CNBD1: variants seen among roughly 807,000 people sequenced by gnomAD.
CNBD1 encodes cyclic nucleotide binding domain containing 1.
A neutral mutation model predicts 54.4 loss-of-function variants in CNBD1; 71 were observed. That is an observed-to-expected ratio of 1.30 (90% confidence interval 1.08 to 1.59). The LOEUF is 1.59. Ranked by LOEUF, CNBD1 falls within the 40% of genes most tolerant of loss-of-function variation. CNBD1 has a pLI of 0.00. For synonymous variants in CNBD1, 182 were observed against 170.7 expected (o/e 1.07, Z -0.51); for missense variants, 659 against 518.0 (o/e 1.27, Z -2.64).
intron 4 of CNBD1, among the ~76,000 whole-genome samples, chr8:87,077,937 A>G (rs767659796): frequency 2.0e-5 from 3 of 152,134 alleles, no homozygotes; most frequent in Non-Finnish European, 2.9e-5. Context: ...ATACCCACTA[A>G]TGGGATCACT....
chr8:87,115,725 A>G (rs1811753821), intron 4 of CNBD1, among the ~76,000 whole-genome samples: 1 of 152,182 alleles, frequency 6.6e-6, no homozygotes, highest in Non-Finnish European at 1.5e-5. Flanking sequence ...AGCAGGTTTC[A>G]CCTACTGAGT....
chr8:87,352,034 G>C (rs747096686), intron 9 of CNBD1, among the ~76,000 whole-genome samples: 1 of 152,046 alleles, frequency 6.6e-6, no homozygotes, highest in Admixed American at 6.6e-5. Context: ...TATGCTTCAC[G>C]TTCTTATTCA....
intron 6 of CNBD1, among the ~76,000 whole-genome samples, chr8:87,284,384 A>T (rs1008155859): frequency 3.3e-5 from 5 of 152,124 alleles, no homozygotes; most frequent in Non-Finnish European, 7.4e-5. Flanking sequence ...CATTCTTTCA[A>T]CTACTATTTA....
rs922912447 is a variant in CNBD1 at position 87,213,726 on chromosome 8, C to T, written c.577+7588C>T. Among the ~76,000 whole-genome samples the T allele has an allele frequency of 2.4e-4, 37 of 152,286 alleles. 1 individual carries two copies. Among genetic ancestry groups the T allele is most frequent in the African/African-American group, 8.7e-4 (36 of 41,562 alleles). On this transcript the variant is annotated intron_variant, in intron 5 of 10. Transcript: ENST00000518476. ...TGGCCCCTCCCAAATCTCATGTCCT[C>T]ACTTTTCAAAACCAATCATGTCTTC... is the stretch of plus-strand genomic sequence containing the variant.
intron 1 of CNBD1, among the ~76,000 whole-genome samples, chr8:86,882,726 T>G (rs1240141467): frequency 6.6e-6 from 1 of 152,186 alleles, no homozygotes; most frequent in African/African-American, 2.4e-5. Context: ...CACATATATG[T>G]TCACTGCAGC....
In CNBD1 at chr8:86,940,132, C is replaced by CTTTTTTTTTTTTT. The variant is rs10671983; in HGVS notation, c.431+385_431+397dup. 9.4e-4 allele frequency among the ~76,000 whole-genome samples: 83 copies of CTTTTTTTTTTTTT among 88,722 alleles called. 2 individuals are homozygous for CTTTTTTTTTTTTT. The highest frequency in any genetic ancestry group is 1.6e-3 in the African/African-American group (34 of 21,926). 58.2% of individuals were successfully genotyped at this position (88,722 alleles called of 152,430 possible). On this transcript the variant is annotated intron_variant, in intron 4 of 10. Coordinates refer to ENST00000518476, the MANE Select transcript of CNBD1 (RefSeq NM_173538.3). ...CTTTAAATAAACTTACCACATGTTACTTTTTTTTTTTTTTTTTTTGAGACT... is the reference window on the plus strand; with the variant it reads ...CTTTAAATAAACTTACCACATGTTACTTTTTTTTTTTTTTTTTTTTTTTTTTTTTTTTGAGACT...
chr8:86,891,769 A>G (rs72663124), intron 2 of CNBD1, among the ~76,000 whole-genome samples: 77 of 152,112 alleles, frequency 5.1e-4, no homozygotes, highest in South Asian at 3.7e-3. Context: ...GTGTTTCAGT[A>G]TACAGATCTT....
At chr8:86,972,584 A>G (rs112114095) in intron 4 of CNBD1, among the ~76,000 whole-genome samples, 26 of 152,336 alleles carry the variant, frequency 1.7e-4, no homozygotes, top group African/African-American at 5.3e-4. Context: ...ACTTAAATGT[A>G]CAAAATTATG....
chr8:87,349,219 A>G (rs1316132166), intron 8 of CNBD1, among the ~76,000 whole-genome samples: 5 of 152,190 alleles, frequency 3.3e-5, no homozygotes, highest in Admixed American at 3.3e-4. Context: ...TCCAAACAAC[A>G]TTTATCTTGA....
At chr8:87,402,756 G>A (rs1352437430) in intron 2 of CNBD1, among the ~76,000 whole-genome samples, 1 of 152,054 alleles carries the variant, frequency 6.6e-6, no homozygotes, top group Non-Finnish European at 1.5e-5. Flanking sequence ...TTTTAGGGAA[G>A]TGAAATGGAA....
chr8:86,929,287 C>A (rs1425600886), intron 3 of CNBD1, among the ~76,000 whole-genome samples: 1 of 152,154 alleles, frequency 6.6e-6, no homozygotes, highest in African/African-American at 2.4e-5. Context: ...GTACCATGGG[C>A]ATGTAGGATT....
intron 8 of CNBD1, among the ~76,000 whole-genome samples, chr8:87,305,140 C>A (rs1168828717): frequency 6.6e-6 from 1 of 152,020 alleles, no homozygotes; most frequent in Non-Finnish European, 1.5e-5. Context: ...AAATCGAGAA[C>A]TCAACACCTT....
intron 4 of CNBD1, among the ~76,000 whole-genome samples, chr8:86,963,014 T>G (rs1193176404): frequency 6.6e-6 from 1 of 152,156 alleles, no homozygotes; most frequent in African/African-American, 2.4e-5. Flanking sequence ...CTGAAAATGA[T>G]TCACTGGTTA....
chr8:86,888,831 A>G (rs1336312832), intron 2 of CNBD1, among the ~76,000 whole-genome samples: 1 of 151,932 alleles, frequency 6.6e-6, no homozygotes, highest in East Asian at 1.9e-4. Flanking sequence ...TCTGGCCCAG[A>G]CGCATTTCAT....
chr8:87,342,039 C>A (rs549907377), intron 8 of CNBD1, among the ~76,000 whole-genome samples: 1 of 151,958 alleles, frequency 6.6e-6, no homozygotes, highest in Non-Finnish European at 1.5e-5. Context: ...TTTGGGAGGC[C>A]GAGGCGGGCA....
intron 4 of CNBD1, among the ~76,000 whole-genome samples, chr8:87,137,057 TTA>T (rs1221330792): frequency 7.9e-6 from 1 of 127,044 alleles, no homozygotes; most frequent in Non-Finnish European, 1.6e-5. Flanking sequence ...ATTATATATA[TTA>T]TATTTATATT....
At chr8:86,871,225 A>T (rs1344285584) in intron 1 of CNBD1, among the ~76,000 whole-genome samples, 1 of 152,204 alleles carries the variant, frequency 6.6e-6, no homozygotes, top group Non-Finnish European at 1.5e-5. Context: ...TGCAAATCAC[A>T]TCTCCACTAG....
intron 6 of CNBD1, among the ~76,000 whole-genome samples, chr8:87,243,841 A>AAT (rs1807749968): frequency 6.6e-6 from 1 of 152,126 alleles, no homozygotes; most frequent in Non-Finnish European, 1.5e-5. Flanking sequence ...CAAAACTTGT[A>AAT]ATATATATAT....
At chr8:86,952,358 T>A (rs1329644759) in intron 4 of CNBD1, among the ~76,000 whole-genome samples, 1 of 152,166 alleles carries the variant, frequency 6.6e-6, no homozygotes, top group African/African-American at 2.4e-5. Context: ...TATCTGATAG[T>A]GGATTTTGCC....
Sources: allele counts gnomAD v4.1 joint callset (sites outside exome capture counted in the v4.1 genomes callset), GRCh38; gene constraint gnomAD v4.1.1; transcripts MANE v1.5; gene names NCBI Gene and HGNC (gene_info 2026-07-23, HGNC 2026-07-21).